The following NRXN1 variants were observed in gnomAD, a reference collection of about 807,000 sequenced individuals.
NRXN1 encodes the protein neurexin-1.
Under a neutral mutation model 150.9 loss-of-function variants are expected in NRXN1, and 39 were observed. That is an observed-to-expected ratio of 0.26 (90% CI 0.20 to 0.34). The LOEUF is 0.34. Among genes scored for constraint, NRXN1 ranks in the 10% least tolerant of loss-of-function variants. The pLI, the probability that NRXN1 is intolerant of heterozygous loss-of-function variation, is 1.00. For missense variants in NRXN1, 1,815 were observed against 1,949.9 expected (o/e 0.93, Z 1.30); for synonymous variants, 924 against 757.0 (o/e 1.22, Z -3.62).
At chr2:50,425,061 T>C (rs2084370071) in intron 17 of NRXN1, among the ~76,000 whole-genome samples, 1 of 152,138 alleles carries the variant, frequency 6.6e-6, no homozygotes, top group Middle Eastern at 3.2e-3. Context: ...TTGTAATTTA[T>C]ACCACCACTT....
intron 17 of NRXN1, among the ~76,000 whole-genome samples, chr2:50,329,577 TAGTG>T (rs1164511873): frequency 3.4e-4 from 19 of 55,346 alleles, no homozygotes; most frequent in African/African-American, 1.6e-3. Flanking sequence ...TATATAACAG[TAGTG>T]TGTGTGTGTG....
intron 8 of NRXN1, among the ~76,000 whole-genome samples, chr2:50,562,906 C>T (rs1669314456): frequency 6.6e-6 from 1 of 151,966 alleles, no homozygotes. Context: ...GTGTTAGGCT[C>T]CTTCCAATCA....
chr2:50,317,072 G>C (rs180937109), intron 17 of NRXN1, among the ~76,000 whole-genome samples: 337 of 152,116 alleles, frequency 2.2e-3, no homozygotes, highest in African/African-American at 8.0e-3. Flanking sequence ...TGAATGTTCA[G>C]AGAAATATTT....
At chr2:50,328,727 C>A (rs1002759120) in intron 17 of NRXN1, among the ~76,000 whole-genome samples, 4 of 152,130 alleles carry the variant, frequency 2.6e-5, no homozygotes, top group Admixed American at 6.5e-5. Context: ...CAGAGTGAGA[C>A]TCCATCTCAA....
At chr2:50,654,451 C>G (rs892778875) in intron 5 of NRXN1, among the ~76,000 whole-genome samples, 3 of 151,862 alleles carry the variant, frequency 2.0e-5, no homozygotes, top group African/African-American at 7.3e-5. Context: ...TGGCTTGGTT[C>G]CAAGTCTTTG....
At chr2:50,369,791 C>T (rs1193055700) in intron 17 of NRXN1, among the ~76,000 whole-genome samples, 1 of 151,952 alleles carries the variant, frequency 6.6e-6, no homozygotes, top group Non-Finnish European at 1.5e-5. Flanking sequence ...TTTCTGTGAA[C>T]TCTGATGCTT....
chr2:50,295,008 G>A (rs2073396229), intron 17 of NRXN1, among the ~76,000 whole-genome samples: 1 of 152,064 alleles, frequency 6.6e-6, no homozygotes. Flanking sequence ...AATTTGATTT[G>A]GGCAAACTAT....
intron 8 of NRXN1, among the ~76,000 whole-genome samples, chr2:50,568,646 G>A (rs1166982437): frequency 6.6e-6 from 1 of 152,098 alleles, no homozygotes; most frequent in Non-Finnish European, 1.5e-5. Context: ...AATAACAAGT[G>A]ATGGTGAGAA....
intron 2 of NRXN1, among the ~76,000 whole-genome samples, chr2:51,009,918 C>G (rs541800801): frequency 6.6e-6 from 1 of 151,710 alleles, no homozygotes; most frequent in Non-Finnish European, 1.5e-5. Context: ...ATCTGACACA[C>G]GAGACCAAGT....
chr2:50,444,339 T>A (rs192089825), intron 17 of NRXN1, among the ~76,000 whole-genome samples: 2 of 152,288 alleles, frequency 1.3e-5, no homozygotes, highest in East Asian at 3.9e-4. Flanking sequence ...TGCAAGGGGA[T>A]GCAATTAACT....
At chr2:50,927,342 T>C (rs968949260) in intron 2 of NRXN1, among the ~76,000 whole-genome samples, 1 of 152,032 alleles carries the variant, frequency 6.6e-6, no homozygotes, top group Non-Finnish European at 1.5e-5. Flanking sequence ...TAGCATGTAA[T>C]AGAAAATGGC....
At chr2:50,425,753 G>A (rs2084425587) in intron 17 of NRXN1, among the ~76,000 whole-genome samples, 1 of 152,106 alleles carries the variant, frequency 6.6e-6, no homozygotes, top group Non-Finnish European at 1.5e-5. Flanking sequence ...TTCCAAAGAA[G>A]CATGATGCCT....
chr2:50,742,565 G>A (rs987414357), intron 5 of NRXN1, among the ~76,000 whole-genome samples: 19 of 143,966 alleles, frequency 1.3e-4, no homozygotes, highest in Non-Finnish European at 7.5e-5. Context: ...CCAAGATCAC[G>A]CCACTACACT....
At chr2:50,186,811 T>C (rs1003882803) in intron 18 of NRXN1, among the ~76,000 whole-genome samples, 1 of 152,074 alleles carries the variant, frequency 6.6e-6, no homozygotes, top group Non-Finnish European at 1.5e-5. Context: ...TAGTTTTTAA[T>C]TGACTATTAA....
intron 18 of NRXN1, among the ~76,000 whole-genome samples, chr2:50,182,426 T>C (rs79670001): frequency 0.011 from 1,675 of 152,224 alleles, 38 homozygotes; most frequent in African/African-American, 0.039. Flanking sequence ...GATAATCTCA[T>C]TCAATTTTTC....
intron 17 of NRXN1, among the ~76,000 whole-genome samples, chr2:50,397,829 T>C (rs375032886): frequency 6.6e-6 from 1 of 152,158 alleles, no homozygotes; most frequent in Non-Finnish European, 1.5e-5. Context: ...TTTTCCTTTA[T>C]AGTAACAGAA....
chr2:50,684,072 C>T (rs1212911083), intron 5 of NRXN1, among the ~76,000 whole-genome samples: 2 of 152,076 alleles, frequency 1.3e-5, no homozygotes, highest in Non-Finnish European at 2.9e-5. Context: ...ACTACTCCTA[C>T]CACTGCAAAT....
chr2:49,927,215 C>T (rs1038026898), intron 22 of NRXN1, among the ~76,000 whole-genome samples: 2 of 152,136 alleles, frequency 1.3e-5, no homozygotes, highest in African/African-American at 4.8e-5. Context: ...ACTATTTCAC[C>T]AGAACAGGTT....
At chr2:50,716,854 C>G (rs188578823) in intron 5 of NRXN1, among the ~76,000 whole-genome samples, 5 of 152,060 alleles carry the variant, frequency 3.3e-5, no homozygotes, top group Non-Finnish European at 7.4e-5. Context: ...AACAATAATT[C>G]CTATAATATT....
Sources: allele counts gnomAD v4.1 joint callset (sites outside exome capture counted in the v4.1 genomes callset), GRCh38; gene constraint gnomAD v4.1.1; transcripts MANE v1.5; gene names NCBI Gene and HGNC (gene_info 2026-07-23, HGNC 2026-07-21).